PRKG1: variants seen among roughly 807,000 people sequenced by gnomAD.
PRKG1 encodes cGMP-dependent protein kinase 1.
PRKG1 carries 35 observed loss-of-function variants against 88.1 expected under a neutral mutation model. That is an observed-to-expected ratio of 0.40 (90% CI 0.30 to 0.53). The LOEUF (loss-of-function observed/expected upper bound fraction) is 0.53, where lower values mean the gene tolerates loss of function less well. Ranked by LOEUF, PRKG1 falls within the 20% of genes least tolerant of loss-of-function variation. The probability of loss-of-function intolerance (pLI) is 0.59; values close to 1 mark genes in which losing one functional copy is unlikely to be tolerated. For missense variants in PRKG1, 540 were observed against 839.8 expected, an observed-to-expected ratio of 0.64 and a Z score of 4.41; for synonymous variants, 303 against 292.5, an observed-to-expected ratio of 1.04 and a Z score of -0.37.
At chr10:51,715,210 C>A (rs1304913555) in intron 3 of PRKG1, among the ~76,000 whole-genome samples, 3 of 152,194 alleles carry the variant, frequency 2.0e-5, no homozygotes, top group Non-Finnish European at 4.4e-5. Context: ...TTCCTCATCA[C>A]CTCACTCCAC....
intron 3 of PRKG1, among the ~76,000 whole-genome samples, chr10:51,474,433 T>G (rs944221609): frequency 1.3e-5 from 2 of 152,158 alleles, no homozygotes; most frequent in African/African-American, 4.8e-5. Flanking sequence ...CCATGTTAAG[T>G]ACATCTGTTG....
chr10:51,478,573 CTAAAACTG>C (rs1205682579), intron 3 of PRKG1, among the ~76,000 whole-genome samples: 2 of 151,938 alleles, frequency 1.3e-5, no homozygotes, highest in African/African-American at 4.8e-5. Context: ...CCCAGTTTCC[CTAAAACTG>C]TAGTGAACCA....
At chr10:51,617,032 T>C (rs1839076515) in intron 3 of PRKG1, among the ~76,000 whole-genome samples, 1 of 152,102 alleles carries the variant, frequency 6.6e-6, no homozygotes, top group Non-Finnish European at 1.5e-5. Flanking sequence ...AGGGAGTCTG[T>C]GGGACCCAGC....
At chr10:52,047,167 C>G (rs781280607) in intron 5 of PRKG1, among the ~76,000 whole-genome samples, 16 of 152,002 alleles carry the variant, frequency 1.1e-4, no homozygotes, top group Non-Finnish European at 1.8e-4. Context: ...CTTTTGATAT[C>G]TTGGTTAATT....
chr10:52,200,175 T>G (rs1839627932), intron 9 of PRKG1, among the ~76,000 whole-genome samples: 1 of 152,074 alleles, frequency 6.6e-6, no homozygotes, highest in Non-Finnish European at 1.5e-5. Flanking sequence ...AACCATAGTA[T>G]CTAACAGACA....
intron 4 of PRKG1, among the ~76,000 whole-genome samples, chr10:51,907,175 G>C (rs898831355): frequency 6.6e-6 from 1 of 152,024 alleles, no homozygotes; most frequent in African/African-American, 2.4e-5. Flanking sequence ...TGACTGGGGG[G>C]CTTAAAATTT....
At chr10:51,858,370 T>A (rs575786580) in intron 4 of PRKG1, among the ~76,000 whole-genome samples, 5 of 29,710 alleles carry the variant, frequency 1.7e-4, no homozygotes, top group Non-Finnish European at 3.8e-4. Context: ...TTATATATAA[T>A]ATATATAAAA....
intron 1 of PRKG1, among the ~76,000 whole-genome samples, chr10:51,027,415 T>A (rs1203868471): frequency 6.6e-6 from 1 of 152,198 alleles, no homozygotes; most frequent in Admixed American, 6.5e-5. Flanking sequence ...CTAAAGGCTA[T>A]TGGGCAGTTT....
chr10:51,955,326 T>A (rs1176712019), intron 5 of PRKG1, among the ~76,000 whole-genome samples: 3 of 152,142 alleles, frequency 2.0e-5, no homozygotes, highest in South Asian at 4.1e-4. Context: ...GTTAAGGTGC[T>A]CAGGATCATG....
At chr10:51,906,990 A>G (rs1343733942) in intron 4 of PRKG1, among the ~76,000 whole-genome samples, 1 of 152,196 alleles carries the variant, frequency 6.6e-6, no homozygotes, top group Non-Finnish European at 1.5e-5. Flanking sequence ...AAGACTTACA[A>G]TGAGACTTAA....
chr10:51,875,001 C>T (rs574728165), intron 4 of PRKG1, among the ~76,000 whole-genome samples: 4 of 152,290 alleles, frequency 2.6e-5, no homozygotes, highest in Non-Finnish European at 4.4e-5. Flanking sequence ...CTAGACCTTA[C>T]AAATGAGATA....
chr10:51,622,742 G>A (rs528417111), intron 3 of PRKG1, among the ~76,000 whole-genome samples: 6 of 152,282 alleles, frequency 3.9e-5, no homozygotes, highest in African/African-American at 1.4e-4. Flanking sequence ...TTGTCAAAGG[G>A]TGGAGGCAAG....
At chr10:51,623,646 A>T (rs773375537) in intron 3 of PRKG1, among the ~76,000 whole-genome samples, 1 of 152,198 alleles carries the variant, frequency 6.6e-6, no homozygotes, top group African/African-American at 2.4e-5. Flanking sequence ...TTGCTTATGG[A>T]ATAGTGATAT....
chr10:51,811,153 T>C (rs2132623612), intron 4 of PRKG1, among the ~76,000 whole-genome samples: 1 of 152,278 alleles, frequency 6.6e-6, no homozygotes, highest in African/African-American at 2.4e-5. Flanking sequence ...GGACTCCAGT[T>C]CATAGTTTGT....
chr10:52,062,738 A>C, intron 7 of PRKG1, 107 bp downstream of exon 7: 21 of 780,080 alleles, frequency 2.7e-5, no homozygotes, highest in Non-Finnish European at 4.3e-5. Flanking sequence ...TGCTTATCTC[A>C]ATATCAAATA....
chr10:52,099,841 G>A (rs1292660055), intron 7 of PRKG1, among the ~76,000 whole-genome samples: 1 of 152,168 alleles, frequency 6.6e-6, no homozygotes, highest in Non-Finnish European at 1.5e-5. Context: ...GACAAATTAA[G>A]ATTTGGGCAC....
At chr10:52,275,512 G>C (rs913130014) in intron 12 of PRKG1, among the ~76,000 whole-genome samples, 3 of 151,914 alleles carry the variant, frequency 2.0e-5, no homozygotes, top group African/African-American at 7.3e-5. Flanking sequence ...TTCATTTCTG[G>C]GTTCTCTATT....
chr10:51,679,703 A>AC (rs148577790), intron 3 of PRKG1, among the ~76,000 whole-genome samples: 14,095 of 115,958 alleles, frequency 0.12, 788 homozygotes, highest in Admixed American at 0.16. Context: ...GGGGCAGGGA[A>AC]CTTTTTTTTT....
chr10:51,224,468 C>T (rs1256402262), intron 2 of PRKG1, among the ~76,000 whole-genome samples: 2 of 152,188 alleles, frequency 1.3e-5, no homozygotes, highest in African/African-American at 4.8e-5. Flanking sequence ...TGAATATTTT[C>T]AGACATCAAA....
Sources: gnomAD v4.1 joint callset for allele counts (sites outside exome capture counted in the v4.1 genomes callset) on GRCh38, gnomAD v4.1.1 for gene constraint, MANE v1.5 for transcripts, NCBI Gene and HGNC (gene_info 2026-07-23, HGNC 2026-07-21) for gene names.